ZNF813: variants seen among roughly 807,000 people sequenced by gnomAD.
ZNF813 encodes zinc finger protein 813.
Under a neutral mutation model 7.2 loss-of-function variants are expected in ZNF813, and 3 were observed. The observed-to-expected ratio is 0.42, with a 90% CI of 0.19 to 1.08. The LOEUF (loss-of-function observed/expected upper bound fraction) is 1.08, where lower values mean the gene tolerates loss of function less well. Ranked by LOEUF, ZNF813 falls within the 50% of genes least tolerant of loss-of-function variation. ZNF813 has a pLI of 0.30. For synonymous variants in ZNF813, 227 were observed against 256.3 expected (o/e 0.89, Z 1.09); for missense variants, 714 against 753.3 (o/e 0.95, Z 0.61).
intron 1 of ZNF813, among the ~76,000 whole-genome samples, chr19:53,480,832 G>A (rs559431702): frequency 1.3e-5 from 2 of 152,286 alleles, no homozygotes; most frequent in South Asian, 2.1e-4. Context: ...AACTTTTGGG[G>A]TGGCCAGACC....
intron 3 of ZNF813, chr19:53,488,104 A>G (rs1327479565): frequency 2.8e-6 from 1 of 357,508 alleles, no homozygotes; most frequent in Non-Finnish European, 5.6e-6. Context: ...GGGTCACTCC[A>G]ACCTCCAACT....
rs371113566 is a variant in ZNF813, at chr19:53,484,824, C to T, written c.15+987C>T. 8.0e-4 allele frequency among the ~76,000 whole-genome samples: 122 copies of T among 152,356 alleles called. 2 individuals carry two copies. In the South Asian group the frequency reaches 0.024, roughly 30 times the overall value. On this transcript the variant is annotated intron_variant, in intron 2 of 3. Coordinates refer to ENST00000396403, the MANE Select transcript of ZNF813 (RefSeq NM_001004301.4). The stretch of plus-strand genomic sequence containing the variant: ...CAGGTGATCTGCCCACCTCAGTCTC[C>T]CAGAGTGCTGGGATTACAGGTGCGA...
At chr19:53,470,045 A>G (rs141858145) in intron 1 of ZNF813, among the ~76,000 whole-genome samples, 55,573 of 151,506 alleles carry the variant, frequency 0.37, 10,790 homozygotes, top group African/African-American at 0.49. Context: ...GATTGGTCAC[A>G]TAATCTATAG....
In ZNF813 at chr19:53,490,364, A is replaced by G. The variant is rs758441246; in HGVS notation, c.143-11A>G. 3 of 1,613,414 alleles carry G rather than the reference A, an allele frequency of 1.9e-6. No individual in the cohort carries two copies. The highest frequency in any genetic ancestry group is 2.5e-6 in the Non-Finnish European group (3 of 1,179,784). On this transcript the variant is annotated splice_polypyrimidine_tract_variant and intron_variant, in intron 3 of 3. Transcript: ENST00000396403. ...CTGAACTGGAAACCTATTCGTGTTT[A>G]TATTTTGTAGATATCTCTTCCAAAT...
At chr19:53,481,522 G>C (rs1219907807) in intron 1 of ZNF813, among the ~76,000 whole-genome samples, 1 of 151,486 alleles carries the variant, frequency 6.6e-6, no homozygotes, top group Non-Finnish European at 1.5e-5. Flanking sequence ...TAAATTTTTG[G>C]ATTTTTAGTA....
intron 1 of ZNF813, chr19:53,479,766 A>T: frequency 7.8e-7 from 1 of 1,288,094 alleles, no homozygotes; most frequent in South Asian, 1.2e-5. Flanking sequence ...AGAGACATGG[A>T]ATGCACAGAA....
intron 2 of ZNF813, among the ~76,000 whole-genome samples, chr19:53,486,285 A>G (rs886162769): frequency 2.6e-5 from 4 of 152,072 alleles, no homozygotes; most frequent in African/African-American, 9.7e-5. Flanking sequence ...CGTTTCTACT[A>G]AAAATACAAA....
intron 1 of ZNF813, among the ~76,000 whole-genome samples, chr19:53,476,628 CAAA>C (rs34399793): frequency 2.9e-5 from 4 of 138,186 alleles, no homozygotes; most frequent in East Asian, 2.2e-4. Flanking sequence ...GACTCCATCT[CAAA>C]AAAAAAAAAA....
chr19:53,486,708 C>G lies in ZNF813; in HGVS notation c.92C>G (p.Thr31Ser). Residue 31 changes from threonine to serine, a missense_variant, in exon 3 of 4, where the codon ACT becomes AGT. Physicochemically the swap from Thr to Ser is moderately conservative, Grantham distance 58. Transcript: ENST00000396403. ...AAATGCCTGGACCCTGCTCAGAGGA[C>G]TCTATACAGGGACGTGATGCTGGAG... ...EWKCLDPAQR[T>S]LYRDVMLENY... is the part of the protein sequence containing the mutation. The G allele has an allele frequency of 1.2e-6, 2 of 1,614,104 alleles. No individual in the cohort carries two copies. Among genetic ancestry groups the G allele is most frequent in the South Asian group, 2.2e-5 (2 of 91,070 alleles).
chr19:53,481,712 C>T (rs2086409384), intron 1 of ZNF813, among the ~76,000 whole-genome samples: 1 of 152,134 alleles, frequency 6.6e-6, no homozygotes, highest in African/African-American at 2.4e-5. Flanking sequence ...CCCTCTTTCA[C>T]TGTTTTCAAG....
intron 1 of ZNF813, among the ~76,000 whole-genome samples, chr19:53,477,936 T>G (rs2086389462): frequency 6.6e-6 from 1 of 152,148 alleles, no homozygotes; most frequent in Non-Finnish European, 1.5e-5. Context: ...TAAAATTTGT[T>G]TAAATTATAC....
chr19:53,468,721 G>C (rs940777379), intron 1 of ZNF813, among the ~76,000 whole-genome samples: 2 of 152,190 alleles, frequency 1.3e-5, no homozygotes, highest in African/African-American at 4.8e-5. Context: ...CAGTATTGCT[G>C]CCAGCATATC....
In ZNF813 at chr19:53,495,189, C is replaced by T. The variant is rs1323994123; in HGVS notation, c.*3103C>T. The T allele has an allele frequency of 6.6e-6, 1 of 151,662 alleles. No homozygotes were observed. Among genetic ancestry groups the T allele is most frequent in the Non-Finnish European group, 1.5e-5 (1 of 67,922 alleles). The allele number at this position is 151,662 out of a possible 1,614,324, so 9.4% of individuals were successfully genotyped here. On this transcript the variant is annotated 3_prime_UTR_variant, in exon 4 of 4. Coordinates refer to ENST00000396403, the MANE Select transcript of ZNF813 (RefSeq NM_001004301.4). Reference sequence around the variant, plus strand: ...ATGTTGAAGGTGATGCATGGAGTGGCAGGCACACCATCCACATCAGTTTTT... The same window carrying T: ...ATGTTGAAGGTGATGCATGGAGTGGTAGGCACACCATCCACATCAGTTTTT...
rs2147164636 is a variant in ZNF813, at chr19:53,492,156, C to G, written c.*70C>G. The G allele has an allele frequency of 6.5e-7, 1 of 1,546,154 alleles. No individual in the cohort carries two copies. The highest frequency in any genetic ancestry group is 8.8e-7 in the Non-Finnish European group (1 of 1,140,918). On this transcript the variant is annotated 3_prime_UTR_variant, in exon 4 of 4. Coordinates refer to ENST00000396403, the MANE Select transcript of ZNF813 (RefSeq NM_001004301.4). ...ACAAGTGCAATGAGTGTGGCAAGAC[C>G]TTCTGTCACAATTCAGTCCTTGTAA...
intron 2 of ZNF813, among the ~76,000 whole-genome samples, 171 bp downstream of exon 2, chr19:53,484,008 C>T (rs2086421446): frequency 6.6e-6 from 1 of 152,012 alleles, no homozygotes; most frequent in Non-Finnish European, 1.5e-5. Flanking sequence ...TCTCTTGTGA[C>T]CGAGTGACAT....
intron 1 of ZNF813, among the ~76,000 whole-genome samples, chr19:53,481,262 C>G (rs2086406889): frequency 6.6e-6 from 1 of 150,936 alleles, no homozygotes; most frequent in African/African-American, 2.4e-5. Context: ...TTCCAAGACT[C>G]TTTTTATATT....
intron 1 of ZNF813, chr19:53,480,267 C>T: frequency 1.3e-6 from 1 of 743,942 alleles, no homozygotes; most frequent in Admixed American, 1.7e-5. Flanking sequence ...CTGCCTCTTC[C>T]TGGAGATTCC....
intron 1 of ZNF813, among the ~76,000 whole-genome samples, chr19:53,482,619 C>A (rs1163806883): frequency 6.6e-6 from 1 of 152,066 alleles, no homozygotes; most frequent in African/African-American, 2.4e-5. Context: ...CCATGCCCTC[C>A]CACCCCCATC....
rs766288931 is a variant in ZNF813, at chr19:53,491,147, CAA to C, written c.917_918del (p.Lys306SerfsTer9). 2 of 1,613,978 alleles carry C rather than the reference CAA, an allele frequency of 1.2e-6. No individual in the cohort carries two copies. Among genetic ancestry groups the C allele is most frequent in the Non-Finnish European group, 8.5e-7 (1 of 1,179,986 alleles). The part of the protein sequence containing the change: ...EKPYKCEECD[K>X]AFSFKSNLKR... The stretch of plus-strand genomic sequence containing the variant: ...AACCTTACAAATGTGAAGAATGTGA[CAA>C]AGCTTTCAGTTTCAAATCAAACCTT... On this transcript the variant is annotated frameshift_variant, in exon 4 of 4. Transcript: ENST00000396403. LOFTEE classifies it low-confidence loss of function (END_TRUNC).
Sources: allele counts gnomAD v4.1 joint callset (sites outside exome capture counted in the v4.1 genomes callset), GRCh38; gene constraint gnomAD v4.1.1; transcripts MANE v1.5; gene names NCBI Gene and HGNC (gene_info 2026-07-23, HGNC 2026-07-21).